Variants in COLEC10 observed in about 807,000 individuals in gnomAD.
The protein encoded by COLEC10 is collectin subfamily member 10.
In COLEC10, 22 loss-of-function variants were observed where a neutral mutation model predicts 28.4. The observed-to-expected ratio is 0.78, with a 90% CI of 0.55 to 1.11. The LOEUF (loss-of-function observed/expected upper bound fraction) is 1.11, where lower values mean the gene tolerates loss of function less well. Among genes scored for constraint, COLEC10 ranks in the 50% least tolerant of loss-of-function variants. The pLI, the probability that COLEC10 is intolerant of heterozygous loss-of-function variation, is 0.00. For missense variants in COLEC10, 361 were observed against 344.1 expected, an observed-to-expected ratio of 1.05 and a Z score of -0.39; for synonymous variants, 125 against 116.1, an observed-to-expected ratio of 1.08 and a Z score of -0.49.
intron 1 of COLEC10, among the ~76,000 whole-genome samples, chr8:119,078,704 A>G (rs1430272727): frequency 1.3e-5 from 2 of 152,148 alleles, no homozygotes; most frequent in Non-Finnish European, 2.9e-5. Flanking sequence ...TTAGTGATTG[A>G]TGATTATCAA....
chr8:119,077,462 T>C (rs1351000740), intron 1 of COLEC10, among the ~76,000 whole-genome samples: 1 of 152,178 alleles, frequency 6.6e-6, no homozygotes, highest in Non-Finnish European at 1.5e-5. Flanking sequence ...CCACAGGGCT[T>C]TATTAATGGG....
chr8:119,013,530 A>G (rs1813936835), intron 2 of COLEC10, among the ~76,000 whole-genome samples: 2 of 150,894 alleles, frequency 1.3e-5, no homozygotes, highest in South Asian at 4.1e-4. Context: ...CTATATCCTT[A>G]CTGATTTTCT....
At chr8:119,069,629 A>AAAAAT (rs1554627284) in intron 1 of COLEC10, among the ~76,000 whole-genome samples, 16 of 42,878 alleles carry the variant, frequency 3.7e-4, no homozygotes, top group African/African-American at 5.2e-4. Flanking sequence ...AAAAAAAAAA[A>AAAAAT]ATATATATAT....
chr8:118,959,474 T>A, the COLEC10 span, among the ~76,000 whole-genome samples: 60 of 152,246 alleles, frequency 3.9e-4, no homozygotes, highest in African/African-American at 1.4e-3. Flanking sequence ...CCTCCTAGGA[T>A]TGTTCTGAGT....
At chr8:119,000,196 G>A (rs1178299783) in intron 1 of COLEC10, among the ~76,000 whole-genome samples, 3 of 152,136 alleles carry the variant, frequency 2.0e-5, no homozygotes, top group Non-Finnish European at 4.4e-5. Flanking sequence ...TAGAAGATGA[G>A]GTCATTCTTT....
chr8:118,974,733 A>G, the COLEC10 span, among the ~76,000 whole-genome samples: 15 of 152,088 alleles, frequency 9.9e-5, no homozygotes, highest in Non-Finnish European at 2.1e-4. Flanking sequence ...TCAACTCTGC[A>G]CTATGATGTT....
rs1187001446 is a variant in COLEC10 at position 119,015,486 on chromosome 8, T to C, written n.235+5933T>C. On this transcript the variant is annotated intron_variant and non_coding_transcript_variant, in intron 2 of 6. Coordinates refer to the COLEC10 transcript ENST00000521788. ...CAGAATTCTCTGGTGTATTTCAAAA[T>C]AGTTTCTTTTCCCCTCCCTGTGCTA... is the stretch of plus-strand genomic sequence containing the variant. Among the ~76,000 whole-genome samples the C allele has an allele frequency of 3.5e-5, 5 of 144,520 alleles. 2 individuals are homozygous for C. The highest frequency in any genetic ancestry group is 1.5e-4 in the African/African-American group (5 of 34,238). The allele number at this position is 144,520 out of a possible 152,430, so 94.8% of individuals were successfully genotyped here.
intron 3 of COLEC10, among the ~76,000 whole-genome samples, chr8:119,098,290 C>G (rs1438091490): frequency 6.6e-6 from 1 of 152,032 alleles, no homozygotes; most frequent in Non-Finnish European, 1.5e-5. Flanking sequence ...ACAAGAAAGG[C>G]TCAAGAGTTT....
intron 2 of COLEC10, among the ~76,000 whole-genome samples, chr8:119,060,333 G>A (rs1194708661): frequency 1.3e-5 from 2 of 152,130 alleles, no homozygotes; most frequent in Non-Finnish European, 2.9e-5. Context: ...GATGTAAGTT[G>A]ATAATACACC....
chr8:119,104,525 C>G (rs529440936), intron 5 of COLEC10, among the ~76,000 whole-genome samples: 3 of 152,038 alleles, frequency 2.0e-5, no homozygotes, highest in Non-Finnish European at 4.4e-5. Context: ...TGCTAGTTAT[C>G]AGAAAAGCCC....
At chr8:118,978,722 A>G in the COLEC10 span, among the ~76,000 whole-genome samples, 2 of 152,050 alleles carry the variant, frequency 1.3e-5, no homozygotes, top group South Asian at 2.1e-4. Context: ...ATGTATTTGC[A>G]TATAAAATTT....
At chr8:119,052,610 A>G (rs1187977348) in intron 2 of COLEC10, among the ~76,000 whole-genome samples, 2 of 152,062 alleles carry the variant, frequency 1.3e-5, no homozygotes, top group Non-Finnish European at 2.9e-5. Context: ...GAAGAATGAG[A>G]TCCTCAGATA....
intron 2 of COLEC10, among the ~76,000 whole-genome samples, chr8:119,012,799 G>T (rs934811672): frequency 6.7e-6 from 1 of 150,116 alleles, no homozygotes; most frequent in Non-Finnish European, 1.5e-5. Context: ...ATATCCATTG[G>T]ATCTGTAGTG....
chr8:118,995,311 C>G (rs1217875993), upstream of COLEC10: 1 of 152,174 alleles, frequency 6.6e-6, no homozygotes, highest in African/African-American at 2.4e-5. Flanking sequence ...TTTTGACTCA[C>G]CCAGGCTGCC....
rs1234928047 is a variant in COLEC10, at chr8:119,106,993, T to C, written c.*802T>C. ...ATGGGGAATTGTTCACAAACAATAC[T>C]GGTTATAGTTCTCTTGCTAAATTGC... On this transcript the variant is annotated 3_prime_UTR_variant, in exon 6 of 6. Transcript: ENST00000332843. Among the ~76,000 whole-genome samples the C allele has an allele frequency of 6.6e-6, 1 of 152,222 alleles. No homozygotes were observed. Among genetic ancestry groups the C allele is most frequent in the East Asian group, 1.9e-4 (1 of 5,190 alleles).
chr8:119,081,565 T>C (rs1335307866), intron 1 of COLEC10, among the ~76,000 whole-genome samples: 1 of 152,104 alleles, frequency 6.6e-6, no homozygotes, highest in African/African-American at 2.4e-5. Context: ...TAATTGAAAA[T>C]GAAAAAAATG....
chr8:119,042,008 G>GT (rs578143630), intron 2 of COLEC10, among the ~76,000 whole-genome samples: 16 of 151,754 alleles, frequency 1.1e-4, no homozygotes, highest in Non-Finnish European at 1.8e-4. Flanking sequence ...GTTTTTTTTG[G>GT]TTTTTTCGAG....
chr8:119,070,792 C>T (rs189639514), intron 1 of COLEC10, among the ~76,000 whole-genome samples: 13 of 152,022 alleles, frequency 8.6e-5, no homozygotes, highest in Admixed American at 3.3e-4. Flanking sequence ...AAGTTTTAAA[C>T]AAAACATGTT....
intron 4 of COLEC10, among the ~76,000 whole-genome samples, chr8:119,103,237 T>C (rs530130622): frequency 3.9e-5 from 6 of 152,316 alleles, no homozygotes; most frequent in African/African-American, 1.4e-4. Context: ...ATCCACAAAC[T>C]GGGCAACTGG....
Sources: allele counts gnomAD v4.1 joint callset (sites outside exome capture counted in the v4.1 genomes callset), GRCh38; gene constraint gnomAD v4.1.1; transcripts MANE v1.5; gene names NCBI Gene and HGNC (gene_info 2026-07-23, HGNC 2026-07-21).